The following HERC1 variants were observed in gnomAD, a reference collection of about 807,000 sequenced individuals.
HERC1 encodes probable E3 ubiquitin-protein ligase HERC1.
HERC1 carries 160 observed loss-of-function variants against 554.3 expected under a neutral mutation model. That is an observed-to-expected ratio of 0.29 (90% confidence interval 0.25 to 0.33). The LOEUF is 0.33. Ranked by LOEUF, HERC1 falls within the 10% of genes least tolerant of loss-of-function variation. The pLI is 1.00. For synonymous variants in HERC1, 2,175 were observed against 2,131.7 expected, an observed-to-expected ratio of 1.02 and a Z score of -0.56; for missense variants, 4,919 against 5,918.5, an observed-to-expected ratio of 0.83 and a Z score of 5.54.
At chr15:63,791,961 C>A (rs1301735990) in intron 1 of HERC1, among the ~76,000 whole-genome samples, 3 of 152,156 alleles carry the variant, frequency 2.0e-5, no homozygotes, top group African/African-American at 7.2e-5. Context: ...CAGTGTAATT[C>A]TTGTTATCAG....
intron 51 of HERC1, among the ~76,000 whole-genome samples, chr15:63,653,277 C>T (rs1566975759): frequency 6.6e-6 from 1 of 152,028 alleles, no homozygotes; most frequent in Non-Finnish European, 1.5e-5. Context: ...CCTGTCTCCA[C>T]TAAAAATACA....
At chr15:63,736,238 A>G (rs2074498580) in intron 12 of HERC1, among the ~76,000 whole-genome samples, 1 of 152,230 alleles carries the variant, frequency 6.6e-6, no homozygotes, top group Admixed American at 6.5e-5. Context: ...CAAGAGGGCA[A>G]AAAGGAAGAG....
chr15:63,718,569 T>A lies in HERC1; in HGVS notation c.3978+5A>T, dbSNP rs907727015. 2 of 1,551,232 alleles carry A rather than the reference T, an allele frequency of 1.3e-6. No homozygotes were observed. Among genetic ancestry groups the A allele is most frequent in the Admixed American group, 4.0e-5 (2 of 50,506 alleles). On this transcript the variant is annotated splice_donor_5th_base_variant and intron_variant, in intron 21 of 77. Coordinates refer to ENST00000443617, the MANE Select transcript of HERC1 (RefSeq NM_003922.4). This position sits in a 1 kb window ranked among gnomAD's most constrained non-coding sequence, Gnocchi z 4.2. Reference sequence around the variant, plus strand: ...ACATAGAAATTAATTGATTTCAAACTTTACCCATCTGTCCCGTGATGATGA... The same window carrying A: ...ACATAGAAATTAATTGATTTCAAACATTACCCATCTGTCCCGTGATGATGA...
chr15:63,721,628 A>G (rs2073826318), intron 19 of HERC1, among the ~76,000 whole-genome samples: 1 of 152,228 alleles, frequency 6.6e-6, no homozygotes, highest in Non-Finnish European at 1.5e-5. Flanking sequence ...TTTATAAAAA[A>G]TAAAGGCCAA....
chr15:63,632,791 TC>T lies in HERC1; in HGVS notation c.12713del (p.Gly4238GlufsTer4). The T allele has an allele frequency of 6.4e-7, 1 of 1,565,260 alleles. No individual in the cohort carries two copies. The highest frequency in any genetic ancestry group is 8.7e-7 in the Non-Finnish European group (1 of 1,153,164). On this transcript the variant is annotated frameshift_variant, in exon 68 of 78. Coordinates refer to ENST00000443617, the MANE Select transcript of HERC1 (RefSeq NM_003922.4). LOFTEE classifies it high-confidence loss of function. ...SSPQKIDVLC[G>X]IGIKKVACGT... ...CACAAGCAACCTTTTTTATTCCAAT[TC>T]CACAAAGGACGTCAATTTTCTACAA...
At position 63,823,080 on chromosome 15, in the gene HERC1, G is replaced by A. The variant is rs542198818; in HGVS notation, c.-27+10747C>T. Among the ~76,000 whole-genome samples the A allele has an allele frequency of 5.9e-5, 9 of 152,256 alleles. No individual in the cohort carries two copies. The South Asian group carries it at 1.7e-3, about 28-fold the overall frequency. On this transcript the variant is annotated intron_variant, in intron 1 of 77. Transcript: ENST00000443617. ...TAAACTCATGTCATGGGGGTTTGTT[G>A]TACAGATTATTTCATCACCCAGGTA...
intron 1 of HERC1, 90 bp downstream of exon 1, chr15:63,833,737 G>GCA (rs1415485362): frequency 0.011 from 1,061 of 96,866 alleles, 15 homozygotes; most frequent in African/African-American, 0.025. Flanking sequence ...GGCCGGCAAA[G>GCA]CACACACGCG....
At chr15:63,753,128 AC>A in intron 7 of HERC1, 43 bp from the exon 8 acceptor site, 1 of 1,468,526 alleles carries the variant, frequency 6.8e-7, no homozygotes, top group Non-Finnish European at 9.2e-7. Flanking sequence ...GTTTTAAAGA[AC>A]CTCTACTCTT....
intron 51 of HERC1, 82 bp downstream of exon 51, chr15:63,654,037 A>G: frequency 1.9e-6 from 2 of 1,078,052 alleles, no homozygotes; most frequent in Non-Finnish European, 2.8e-6. Flanking sequence ...AGAGAGACCT[A>G]AACTTTGAGC....
intron 52 of HERC1, among the ~76,000 whole-genome samples, chr15:63,652,050 C>A (rs1331851365): frequency 2.0e-5 from 3 of 151,758 alleles, no homozygotes; most frequent in African/African-American, 4.8e-5. Flanking sequence ...AAGAAAAAAA[C>A]AAAACAAAAC....
intron 33 of HERC1, among the ~76,000 whole-genome samples, chr15:63,688,198 T>C (rs1173120877): frequency 6.6e-6 from 1 of 151,804 alleles, no homozygotes; most frequent in South Asian, 2.1e-4. Context: ...GATGAGGAGG[T>C]AGGCAAATTC....
At chr15:63,637,055 C>A in intron 64 of HERC1, 1 of 451,552 alleles carries the variant, frequency 2.2e-6, no homozygotes, top group Non-Finnish European at 4.4e-6. Context: ...ATGAGCAAGC[C>A]GGGGGCTTGT....
Position 63,655,635 on chromosome 15 carries a change from T to G in HERC1, c.10084+107A>C, listed in dbSNP as rs1484486157. The G allele has an allele frequency of 3.8e-6, 3 of 795,638 alleles. No individual in the cohort carries two copies. The African/African-American group carries it at 5.2e-5, about 14-fold the overall frequency. The allele number at this position is 795,638 out of a possible 1,614,324, so 49.3% of individuals were successfully genotyped here. A position where few individuals can be genotyped will look rare whatever the true frequency, so the allele number is the denominator to read the frequency against. ...ATGCACTTCTTTTATGTTCTAAACT[T>G]AAGAAACTCACGTCATATAATTTAT... On this transcript the variant is annotated intron_variant, in intron 50 of 77. Coordinates refer to ENST00000443617, the MANE Select transcript of HERC1 (RefSeq NM_003922.4).
chr15:63,715,372 G>A (rs1352307603), intron 22 of HERC1, among the ~76,000 whole-genome samples: 1 of 152,112 alleles, frequency 6.6e-6, no homozygotes, highest in African/African-American at 2.4e-5. Flanking sequence ...CTGCTTCCAG[G>A]AATTTCTAAA....
intron 1 of HERC1, among the ~76,000 whole-genome samples, chr15:63,823,230 C>T (rs985300335): frequency 6.6e-6 from 1 of 152,072 alleles, no homozygotes; most frequent in African/African-American, 2.4e-5. Context: ...ATTTAGCTCC[C>T]ACGTATAAGT....
chr15:63,756,930 C>T lies in HERC1; in HGVS notation c.1222-182G>A, dbSNP rs546328718. ...ACGAATGGCCTTTTCATGCTCACAA[C>T]TTTGTTGCTGAGTTCAAATTCTTCA... On this transcript the variant is annotated intron_variant, in intron 4 of 77. Transcript: ENST00000443617. The surrounding 1 kb of genome is among the most constrained non-coding windows in gnomAD (Gnocchi z 5.0). 2.0e-5 allele frequency among the ~76,000 whole-genome samples: 3 copies of T among 152,296 alleles called. No homozygotes were observed. In the South Asian group the frequency reaches 6.2e-4, roughly 32 times the overall value.
At chr15:63,702,936 T>C (rs1436737538) in intron 25 of HERC1, among the ~76,000 whole-genome samples, 1 of 151,982 alleles carries the variant, frequency 6.6e-6, no homozygotes, top group Non-Finnish European at 1.5e-5. Context: ...AAACTCCGTC[T>C]CTACTAAAAA....
intron 1 of HERC1, among the ~76,000 whole-genome samples, chr15:63,805,987 C>T (rs1215424600): frequency 6.6e-6 from 1 of 151,904 alleles, no homozygotes; most frequent in Admixed American, 6.6e-5. Context: ...ACTTGCAGGC[C>T]CTGCCTCTTG....
chr15:63,706,187 A>G (rs1338580254), intron 25 of HERC1, among the ~76,000 whole-genome samples: 3 of 152,178 alleles, frequency 2.0e-5, no homozygotes, highest in African/African-American at 7.2e-5. Context: ...TTCATTAACA[A>G]AAGACCTTAA....
Sources: gnomAD v4.1 joint callset for allele counts (sites outside exome capture counted in the v4.1 genomes callset) on GRCh38, gnomAD v4.1.1 for gene constraint, Gnocchi (gnomAD v3.1) non-coding constraint, MANE v1.5 for transcripts, NCBI Gene and HGNC (gene_info 2026-07-23, HGNC 2026-07-21) for gene names.